Variants in UGT3A2 observed in about 807,000 individuals in gnomAD.
The protein encoded by UGT3A2 is UDP-glycosyltransferase 3A2.
In UGT3A2, 32 loss-of-function variants were observed where a neutral mutation model predicts 39.8. The observed-to-expected ratio is 0.80, with a 90% CI of 0.61 to 1.08. The LOEUF (loss-of-function observed/expected upper bound fraction) is 1.08. Among genes scored for constraint, UGT3A2 ranks in the 50% least tolerant of loss-of-function variants. The pLI is 0.00. For synonymous variants in UGT3A2, 241 were observed against 230.7 expected, an observed-to-expected ratio of 1.04 and a Z score of -0.40; for missense variants, 611 against 637.1, an observed-to-expected ratio of 0.96 and a Z score of 0.44.
chr5:36,062,991 A>C (rs1742757225), intron 2 of UGT3A2, among the ~76,000 whole-genome samples: 1 of 152,046 alleles, frequency 6.6e-6, no homozygotes, highest in African/African-American at 2.4e-5. Flanking sequence ...CAGTGAGCCA[A>C]GATCATGCCA....
At chr5:36,061,702 C>T (rs1023478604) in intron 2 of UGT3A2, among the ~76,000 whole-genome samples, 1 of 150,526 alleles carries the variant, frequency 6.6e-6, no homozygotes. Context: ...AATAAACATA[C>T]ATGTGCATGT....
intron 4 of UGT3A2, among the ~76,000 whole-genome samples, chr5:36,041,532 C>T (rs2111702781): frequency 6.6e-6 from 1 of 152,192 alleles, no homozygotes; most frequent in African/African-American, 2.4e-5. Flanking sequence ...GGCAGCTTAG[C>T]ACAGGGAGAG....
intron 3 of UGT3A2, among the ~76,000 whole-genome samples, chr5:36,051,560 C>T (rs896104568): frequency 2.0e-5 from 3 of 152,150 alleles, no homozygotes; most frequent in Admixed American, 2.0e-4. Flanking sequence ...TGAAGTGTTG[C>T]AAGGAAGTCC....
intron 4 of UGT3A2, among the ~76,000 whole-genome samples, chr5:36,043,453 G>C (rs904714352): frequency 3.3e-5 from 5 of 151,554 alleles, no homozygotes; most frequent in Admixed American, 6.6e-5. Context: ...AACAACCTAC[G>C]GATGCATCTT....
chr5:36,059,099 G>A (rs143081920), intron 2 of UGT3A2, among the ~76,000 whole-genome samples: 38 of 152,284 alleles, frequency 2.5e-4, no homozygotes, highest in African/African-American at 8.7e-4. Flanking sequence ...GACTAGCAGA[G>A]ACTAGCAGAA....
chr5:36,036,267 A>T (rs564179914), intron 6 of UGT3A2, among the ~76,000 whole-genome samples: 3 of 152,346 alleles, frequency 2.0e-5, no homozygotes, highest in African/African-American at 7.2e-5. Flanking sequence ...TAATTATTAT[A>T]CATATACATG....
At chr5:36,057,801 A>C (rs1742561702) in intron 2 of UGT3A2, among the ~76,000 whole-genome samples, 1 of 152,078 alleles carries the variant, frequency 6.6e-6, no homozygotes, top group Admixed American at 6.6e-5. Flanking sequence ...CAGCCTCCCA[A>C]AGTGCTGGGA....
intron 4 of UGT3A2, among the ~76,000 whole-genome samples, chr5:36,043,844 C>T (rs748379423): frequency 5.3e-5 from 8 of 151,922 alleles, no homozygotes; most frequent in Non-Finnish European, 1.0e-4. Flanking sequence ...TAACAAGTAA[C>T]GAGACTAAAG....
At chr5:36,052,530 T>A (rs1412982571) in intron 2 of UGT3A2, among the ~76,000 whole-genome samples, 1 of 152,016 alleles carries the variant, frequency 6.6e-6, no homozygotes, top group South Asian at 2.1e-4. Context: ...CCCAACCCCA[T>A]GCTTCATCTG....
chr5:36,061,399 C>T (rs1368848719), intron 2 of UGT3A2, among the ~76,000 whole-genome samples: 2 of 110,726 alleles, frequency 1.8e-5, no homozygotes, highest in East Asian at 6.6e-4. Context: ...CCTCCCCCCA[C>T]CCCACAACAG....
intron 4 of UGT3A2, among the ~76,000 whole-genome samples, chr5:36,046,348 T>A (rs149050653): frequency 6.6e-6 from 1 of 152,150 alleles, no homozygotes; most frequent in Admixed American, 6.5e-5. Flanking sequence ...AGCCAAGATA[T>A]GGAATCAATC....
intron 4 of UGT3A2, 45 bp downstream of exon 4, chr5:36,048,844 A>G (rs1742245626): frequency 6.3e-7 from 1 of 1,587,534 alleles, no homozygotes; most frequent in Admixed American, 1.7e-5. Context: ...TATGCACTGA[A>G]GGCCTCTGCG....
Position 36,037,884 on chromosome 5 carries a change from G to C in UGT3A2, c.1208C>G (p.Ala403Gly). 6.2e-7 allele frequency: 1 copy of C among 1,613,800 alleles called. No individual in the cohort carries two copies. The highest frequency in any genetic ancestry group is 8.5e-7 in the Non-Finnish European group (1 of 1,179,940). ...DQPENMVRVE[A>G]KKFGVSIQLK... ...CTGAATAGAAACACCAAACTTTTTG[G>C]CTTCTACTCGGACCATGTTTTCAGG... The change falls in exon 6 of 7, where the codon GCC (alanine) becomes GGC (glycine). Residue 403 changes from alanine (A) to glycine (G), a missense_variant. Ala to Gly is a moderately conservative substitution (Grantham distance 60, BLOSUM62 0). Coordinates refer to ENST00000282507, the MANE Select transcript of UGT3A2 (RefSeq NM_174914.4).
Position 36,035,390 on chromosome 5 carries a change from G to A in UGT3A2, c.*308C>T, listed in dbSNP as rs1580991816. The A allele has an allele frequency of 2.8e-6, 1 of 356,072 alleles. No individual in the cohort carries two copies. Among genetic ancestry groups the A allele is most frequent in the Admixed American group, 4.0e-5 (1 of 24,830 alleles). The allele number at this position is 356,072 out of a possible 1,614,324, so 22.1% of individuals were successfully genotyped here. ...CATGAGAAGGAAGGTGGATTTTAAG[G>A]CTGGAAATCTGAGGGTCAGTGGTCC... On this transcript the variant is annotated 3_prime_UTR_variant, in exon 7 of 7. Transcript: ENST00000282507.
chr5:36,058,129 A>AC (rs1284634869), intron 2 of UGT3A2, among the ~76,000 whole-genome samples: 2 of 152,238 alleles, frequency 1.3e-5, no homozygotes, highest in Non-Finnish European at 2.9e-5. Flanking sequence ...AGTGGAAAAA[A>AC]TTAAATGTCC....
At chr5:36,059,029 G>C (rs1218617115) in intron 2 of UGT3A2, among the ~76,000 whole-genome samples, 2 of 152,092 alleles carry the variant, frequency 1.3e-5, no homozygotes, top group African/African-American at 4.8e-5. Flanking sequence ...ATAGAAATAG[G>C]GAAAGACAGG....
chr5:36,066,855 C>T lies in UGT3A2; in HGVS notation c.-66G>A, dbSNP rs1232703818. On this transcript the variant is annotated 5_prime_UTR_variant, in exon 1 of 7. Coordinates refer to ENST00000282507, the MANE Select transcript of UGT3A2 (RefSeq NM_174914.4). ...GCGCCCTGCGCCCGGCTAAGGGACCCTGTGCACCTCAGTGCGCCAAAGGCA... is the reference window on the plus strand; with the variant it reads ...GCGCCCTGCGCCCGGCTAAGGGACCTTGTGCACCTCAGTGCGCCAAAGGCA... 11 of 1,590,628 alleles carry T rather than the reference C, an allele frequency of 6.9e-6. No homozygotes were observed. The highest frequency in any genetic ancestry group is 9.5e-6 in the Non-Finnish European group (11 of 1,159,318).
In UGT3A2 at chr5:36,036,037, T is replaced by G; in HGVS notation, c.1296-63A>C. 4.4e-6 allele frequency: 7 copies of G among 1,575,124 alleles called. No individual in the cohort carries two copies. In the South Asian group the frequency reaches 8.1e-5, roughly 18 times the overall value. ...ACCTCACAAGAGTTAGAATGTATGA[T>G]CCGTTCTATATGATGCACCAAAGAC... On this transcript the variant is annotated intron_variant, in intron 6 of 6. Coordinates refer to ENST00000282507, the MANE Select transcript of UGT3A2 (RefSeq NM_174914.4).
intron 4 of UGT3A2, among the ~76,000 whole-genome samples, chr5:36,040,349 C>T (rs12653691): frequency 3.9e-5 from 6 of 151,990 alleles, no homozygotes; most frequent in Non-Finnish European, 5.9e-5. Flanking sequence ...AGTGATTTTG[C>T]CCCCCGAAGG....
Sources: allele counts gnomAD v4.1 joint callset (sites outside exome capture counted in the v4.1 genomes callset), GRCh38; gene constraint gnomAD v4.1.1; transcripts MANE v1.5; gene names NCBI Gene and HGNC (gene_info 2026-07-23, HGNC 2026-07-21).